RBMS3: variants seen among roughly 807,000 people sequenced by gnomAD.
RBMS3 encodes RNA-binding motif, single-stranded-interacting protein 3.
A neutral mutation model predicts 66.8 loss-of-function variants in RBMS3; 27 were observed. The ratio of observed to expected loss-of-function variants is 0.40; its 90% CI spans 0.30 to 0.56. The LOEUF (loss-of-function observed/expected upper bound fraction) is 0.56, where lower values mean the gene tolerates loss of function less well. Among genes scored for constraint, RBMS3 ranks in the 20% least tolerant of loss-of-function variants. RBMS3 has a pLI of 0.40. For synonymous variants in RBMS3, 188 were observed against 183.0 expected, an observed-to-expected ratio of 1.03 and a Z score of -0.22; for missense variants, 513 against 549.5, an observed-to-expected ratio of 0.93 and a Z score of 0.66.
chr3:29,777,285 T>C (rs1328692479), intron 6 of RBMS3, among the ~76,000 whole-genome samples: 1 of 152,004 alleles, frequency 6.6e-6, no homozygotes, highest in East Asian at 1.9e-4. Context: ...TGTATGCTTA[T>C]CTTATCCCAC....
At chr3:29,426,438 A>G (rs1384036732) in intron 1 of RBMS3, among the ~76,000 whole-genome samples, 1 of 152,250 alleles carries the variant, frequency 6.6e-6, no homozygotes, top group Non-Finnish European at 1.5e-5. Context: ...AAGCCTCTGA[A>G]TAGAATTCAA....
chr3:29,710,148 A>G (rs2053102091), intron 4 of RBMS3, among the ~76,000 whole-genome samples: 1 of 152,236 alleles, frequency 6.6e-6, no homozygotes, highest in African/African-American at 2.4e-5. Flanking sequence ...TTCCATTTTA[A>G]AAGTTCACCT....
chr3:29,514,774 G>T (rs982523423), intron 3 of RBMS3, among the ~76,000 whole-genome samples: 12 of 145,622 alleles, frequency 8.2e-5, no homozygotes, highest in Admixed American at 6.9e-4. Flanking sequence ...TATACGATAG[G>T]CATATATATA....
chr3:29,880,659 A>G (rs1164444640), intron 7 of RBMS3: 16 of 833,516 alleles, frequency 1.9e-5, no homozygotes, highest in Non-Finnish European at 2.7e-5. Context: ...TTGTGCTATT[A>G]TATTCAGCCA....
At chr3:29,968,661 G>A (rs1407980930) in intron 12 of RBMS3, among the ~76,000 whole-genome samples, 4 of 142,478 alleles carry the variant, frequency 2.8e-5, no homozygotes, top group Non-Finnish European at 4.7e-5. Context: ...AGGGTGTCCC[G>A]TTCCCACTTC....
chr3:29,400,267 G>A (rs1171725493), intron 1 of RBMS3, among the ~76,000 whole-genome samples: 1 of 152,090 alleles, frequency 6.6e-6, no homozygotes, highest in African/African-American at 2.4e-5. Context: ...TCTGACACAT[G>A]CTACAATATG....
intron 4 of RBMS3, among the ~76,000 whole-genome samples, chr3:29,686,842 T>A (rs953483498): frequency 6.6e-6 from 1 of 152,196 alleles, no homozygotes; most frequent in East Asian, 1.9e-4. Context: ...ATTGTTTATT[T>A]TTTTCTTCAA....
intron 6 of RBMS3, among the ~76,000 whole-genome samples, chr3:29,789,107 C>G (rs1343185327): frequency 1.3e-5 from 2 of 152,064 alleles, no homozygotes; most frequent in Admixed American, 6.6e-5. Context: ...TTCCCAAGAA[C>G]TTTATCACAT....
chr3:29,815,923 CA>C (rs1200435905), intron 6 of RBMS3, among the ~76,000 whole-genome samples: 5 of 148,376 alleles, frequency 3.4e-5, no homozygotes, highest in Non-Finnish European at 7.4e-5. Flanking sequence ...ACCTGTACTC[CA>C]AAAACTATTG....
chr3:29,472,731 GAAGCTGC>G (rs2042780266), intron 2 of RBMS3, among the ~76,000 whole-genome samples: 1 of 148,352 alleles, frequency 6.7e-6, no homozygotes, highest in Non-Finnish European at 1.5e-5. Flanking sequence ...CTTCAGGAGT[GAAGCTGC>G]AGACCTTCGC....
chr3:29,617,825 A>G (rs1283965811), intron 4 of RBMS3, among the ~76,000 whole-genome samples: 1 of 152,196 alleles, frequency 6.6e-6, no homozygotes, highest in Non-Finnish European at 1.5e-5. Flanking sequence ...ACAAATATTT[A>G]TTATGATTTA....
At chr3:29,590,104 T>A (rs2047675822) in intron 4 of RBMS3, among the ~76,000 whole-genome samples, 1 of 151,768 alleles carries the variant, frequency 6.6e-6, no homozygotes, top group South Asian at 2.1e-4. Context: ...TTTTTTGGTA[T>A]CAAAAGTCAT....
At position 29,326,401 on chromosome 3, in the gene RBMS3, C is replaced by T. The variant is rs1308039943; in HGVS notation, c.75+44645C>T. 2.0e-5 allele frequency among the ~76,000 whole-genome samples: 3 copies of T among 152,286 alleles called. No individual in the cohort carries two copies. The East Asian group carries it at 5.8e-4, about 29-fold the overall frequency. On this transcript the variant is annotated intron_variant, in intron 1 of 14. Transcript: ENST00000383767. Reference sequence around the variant, plus strand: ...GAGCTTCTCCACCTTCTATGTCTTGCAAGCCTCTTATTACCATTTAAAGGT... The same window carrying T: ...GAGCTTCTCCACCTTCTATGTCTTGTAAGCCTCTTATTACCATTTAAAGGT...
intron 3 of RBMS3, chr3:29,537,623 G>C (rs1040251294): frequency 1.3e-5 from 2 of 151,980 alleles, no homozygotes; most frequent in African/African-American, 4.8e-5. Flanking sequence ...AGGAGACCGA[G>C]ACCATCCTGG....
chr3:29,287,918 T>A (rs2032496902), intron 1 of RBMS3, among the ~76,000 whole-genome samples: 1 of 152,042 alleles, frequency 6.6e-6, no homozygotes, highest in Non-Finnish European at 1.5e-5. Flanking sequence ...GTTTTTATTT[T>A]TTTTTATTTT....
At chr3:29,732,066 C>G (rs537685764) in intron 4 of RBMS3, among the ~76,000 whole-genome samples, 1 of 152,138 alleles carries the variant, frequency 6.6e-6, no homozygotes, top group Admixed American at 6.6e-5. Context: ...CCTCTCTCCT[C>G]CACATCACTC....
chr3:29,794,723 G>A (rs766567747), intron 6 of RBMS3, among the ~76,000 whole-genome samples: 6 of 152,150 alleles, frequency 3.9e-5, no homozygotes, highest in South Asian at 2.1e-4. Flanking sequence ...AGCACTACTC[G>A]TCTCTGAAGA....
In RBMS3 at chr3:29,425,644, T is replaced by TA. The variant is rs1208181626; in HGVS notation, c.76-9092dup. On this transcript the variant is annotated intron_variant, in intron 1 of 14. Transcript: ENST00000383767. ...CAGAGCAAGACTCTGTCTCACAAAA[T>TA]AAAAAAATAAATAAAAAATAGAGAT... 6.6e-5 allele frequency among the ~76,000 whole-genome samples: 10 copies of TA among 151,660 alleles called. No homozygotes were observed. In the South Asian group the frequency reaches 8.4e-4, roughly 13 times the overall value.
intron 6 of RBMS3, among the ~76,000 whole-genome samples, chr3:29,854,279 G>A (rs1377540729): frequency 1.3e-5 from 2 of 152,314 alleles, no homozygotes; most frequent in Non-Finnish European, 2.9e-5. Context: ...TGTCCCCGAT[G>A]TCAAATCCTA....
Sources: allele counts gnomAD v4.1 joint callset (sites outside exome capture counted in the v4.1 genomes callset), GRCh38; gene constraint gnomAD v4.1.1; transcripts MANE v1.5; gene names NCBI Gene and HGNC (gene_info 2026-07-23, HGNC 2026-07-21).